The following TSPAN31 variants were observed in gnomAD, a reference collection of about 807,000 sequenced individuals.
TSPAN31 encodes the protein tetraspanin-31.
A neutral mutation model predicts 24.8 loss-of-function variants in TSPAN31; 16 were observed. That is an observed-to-expected ratio of 0.64 (90% CI 0.44 to 0.98). TSPAN31 has a LOEUF of 0.98. TSPAN31 is among the 50% of genes least tolerant of loss of function. The pLI, the probability that TSPAN31 is intolerant of heterozygous loss-of-function variation, is 0.00. For synonymous variants in TSPAN31, 87 were observed against 91.4 expected (o/e 0.95, Z 0.27); for missense variants, 209 against 251.6 (o/e 0.83, Z 1.15).
At chr12:57,746,944 G>A (rs751285450) in intron 4 of TSPAN31, 74 bp from the exon 5 acceptor site, 54 of 1,433,924 alleles carry the variant, frequency 3.8e-5, no homozygotes, top group Non-Finnish European at 5.2e-5. Context: ...AAGTTTCTAG[G>A]GACATTCGGC....
At chr12:57,745,975 T>C in intron 2 of TSPAN31, 63 bp downstream of exon 2, 1 of 1,546,068 alleles carries the variant, frequency 6.5e-7, no homozygotes, top group Admixed American at 2.0e-5. Flanking sequence ...CTAAGGAAGA[T>C]GTTAGAAGGG....
At chr12:57,745,547 C>A (rs914235145) in intron 1 of TSPAN31, 198 bp from the exon 2 acceptor site, 4 of 659,032 alleles carry the variant, frequency 6.1e-6, no homozygotes, top group Non-Finnish European at 7.7e-6. Flanking sequence ...CCCTGCCACC[C>A]CCTCCCCGCC....
At chr12:57,746,294 A>C in intron 3 of TSPAN31, 38 bp downstream of exon 3, 1 of 1,584,162 alleles carries the variant, frequency 6.3e-7, no homozygotes, top group Non-Finnish European at 8.7e-7. Flanking sequence ...CTTGCTTTTT[A>C]AAATTTTCCT....
rs763198055 is a variant in TSPAN31 at position 57,747,246 on chromosome 12, C to T, written c.589C>T (p.Arg197Trp). The change falls in exon 6 of 6, where the codon CGG (arginine) becomes TGG (tryptophan). Residue 197 changes from arginine (R) to tryptophan (W), a missense_variant. Coordinates refer to ENST00000257910, the MANE Select transcript of TSPAN31 (RefSeq NM_005981.5). ...ILGVWLAMRF[R>W]NQKDPRANPS... ...TGGTGTTTGGCTAGCAATGAGATTT[C>T]GGAATCAGAAGGATCCTAGAGCCAA... 21 of 1,614,030 alleles carry T rather than the reference C, an allele frequency of 1.3e-5. No individual in the cohort carries two copies. Among genetic ancestry groups the T allele is most frequent in the East Asian group, 2.2e-5 (1 of 44,892 alleles).
intron 4 of TSPAN31, 125 bp downstream of exon 4, chr12:57,746,845 G>A: frequency 6.8e-7 from 1 of 1,470,952 alleles, no homozygotes; most frequent in South Asian, 1.2e-5. Context: ...TTGTATTGGG[G>A]CTGTGTTGGT....
At position 57,748,708 on chromosome 12, in the gene TSPAN31, CT is replaced by C. The variant is rs545773931; in HGVS notation, c.*1433del. On this transcript the variant is annotated 3_prime_UTR_variant, in exon 6 of 6. Transcript: ENST00000257910. ...CCTGGGATGAGCTTTCTTCTTTTTT[CT>C]TTTTTTTTTTTTTTGAGACGGAGTC... 0.16 allele frequency: 95,460 copies of C among 587,104 alleles called. No individual in the cohort carries two copies. The highest frequency in any genetic ancestry group is 0.19 in the East Asian group (5,749 of 29,782). 36.4% of individuals were successfully genotyped at this position (587,104 alleles called of 1,614,324 possible). A position where few individuals can be genotyped will look rare whatever the true frequency, so the allele number is the denominator to read the frequency against.
chr12:57,746,488 T>C, intron 3 of TSPAN31, 101 bp from the exon 4 acceptor site: 1 of 1,426,724 alleles, frequency 7.0e-7, no homozygotes, highest in Non-Finnish European at 9.9e-7. Flanking sequence ...CACACCGTTA[T>C]GCTTCTGTTT....
rs886049708 is a variant in TSPAN31, at chr12:57,747,835, C to T, written c.*545C>T. On this transcript the variant is annotated 3_prime_UTR_variant, in exon 6 of 6. Transcript: ENST00000257910. The stretch of plus-strand genomic sequence containing the variant: ...TCGGCTCACCGCAACCTCTGCCTCC[C>T]GGGTTCAAGCGATCCTCCTGCCTCA... The T allele has an allele frequency of 1.2e-4, 20 of 170,844 alleles. No homozygotes were observed. The highest frequency in any genetic ancestry group is 2.3e-4 in the East Asian group (2 of 8,590). 10.6% of individuals were successfully genotyped at this position (170,844 alleles called of 1,614,324 possible).
At position 57,748,710 on chromosome 12, in the gene TSPAN31, T is replaced by TC. The variant is rs60882808; in HGVS notation, c.*1420_*1421insC. ...TGGGATGAGCTTTCTTCTTTTTTCTTTTTTTTTTTTTTTGAGACGGAGTCT... is the reference window on the plus strand; with the variant it reads ...TGGGATGAGCTTTCTTCTTTTTTCTTCTTTTTTTTTTTTTGAGACGGAGTCT... On this transcript the variant is annotated 3_prime_UTR_variant, in exon 6 of 6. Coordinates refer to ENST00000257910, the MANE Select transcript of TSPAN31 (RefSeq NM_005981.5). 48 of 569,594 alleles carry TC rather than the reference T, an allele frequency of 8.4e-5. No individual in the cohort carries two copies. Among genetic ancestry groups the TC allele is most frequent in the African/African-American group, 4.5e-4 (23 of 51,454 alleles). The allele number at this position is 569,594 out of a possible 1,614,324, so 35.3% of individuals were successfully genotyped here.
rs1056401055 is a variant in TSPAN31, at chr12:57,747,811, C to T, written c.*521C>T. On this transcript the variant is annotated 3_prime_UTR_variant, in exon 6 of 6. Coordinates refer to ENST00000257910, the MANE Select transcript of TSPAN31 (RefSeq NM_005981.5). ...AGGCTGGAGTGCAATGGCATGATCTCGGCTCACCGCAACCTCTGCCTCCCG... is the reference window on the plus strand; with the variant it reads ...AGGCTGGAGTGCAATGGCATGATCTTGGCTCACCGCAACCTCTGCCTCCCG... The T allele has an allele frequency of 3.0e-5, 5 of 167,530 alleles. No individual in the cohort carries two copies. The highest frequency in any genetic ancestry group is 1.3e-4 in the East Asian group (1 of 7,754). The allele number at this position is 167,530 out of a possible 1,614,324, so 10.4% of individuals were successfully genotyped here.
chr12:57,746,277 GTAC>G, intron 3 of TSPAN31, 21 bp downstream of exon 3: 1 of 1,605,482 alleles, frequency 6.2e-7, no homozygotes, highest in Non-Finnish European at 8.5e-7. Context: ...ACCCTTTCAA[GTAC>G]TTACTTGCTT....
Position 57,748,163 on chromosome 12 carries a change from T to C in TSPAN31, c.*873T>C, listed in dbSNP as rs1309932398. The C allele has an allele frequency of 5.7e-6, 2 of 351,040 alleles. No individual in the cohort carries two copies. The highest frequency in any genetic ancestry group is 2.1e-5 in the African/African-American group (1 of 48,192). The allele number at this position is 351,040 out of a possible 1,614,324, so 21.7% of individuals were successfully genotyped here. A position where few individuals can be genotyped will look rare whatever the true frequency, so the allele number is the denominator to read the frequency against. On this transcript the variant is annotated 3_prime_UTR_variant, in exon 6 of 6. Transcript: ENST00000257910. ...TTTAAGGTTTTGCAGGAAAGTCCCT[T>C]CTTCCAAGTGGTTTTTCCAAATCGC...
At chr12:57,745,250 C>T (rs577208050) in intron 1 of TSPAN31, 33 bp downstream of exon 1, 2 of 1,600,602 alleles carry the variant, frequency 1.2e-6, no homozygotes, top group African/African-American at 1.3e-5. Flanking sequence ...AGCTTCAAGG[C>T]GGAAAGGCCC....
At chr12:57,745,311 GTTCCGGGAAGATTCCCAGGAAC>G in intron 1 of TSPAN31, 94 bp downstream of exon 1, 1 of 1,375,478 alleles carries the variant, frequency 7.3e-7, no homozygotes, top group Non-Finnish European at 1.0e-6. Context: ...GTGTATGGGG[GTTCCGGGAAGATTCCCAGGAAC>G]TTCCGGCGAC....
At chr12:57,746,432 C>A (rs1955152257) in intron 3 of TSPAN31, 157 bp from the exon 4 acceptor site, 1 of 1,167,120 alleles carries the variant, frequency 8.6e-7, no homozygotes, top group African/African-American at 1.5e-5. Flanking sequence ...TGAGGATGAT[C>A]TAGAGAACCT....
chr12:57,748,679 A>C lies in TSPAN31; in HGVS notation c.*1389A>C, dbSNP rs777869960. The C allele has an allele frequency of 1.1e-5, 12 of 1,076,720 alleles. No individual in the cohort carries two copies. The Admixed American group carries it at 1.4e-4, about 12-fold the overall frequency. 66.7% of individuals were successfully genotyped at this position (1,076,720 alleles called of 1,614,324 possible). A position where few individuals can be genotyped will look rare whatever the true frequency, so the allele number is the denominator to read the frequency against. Reference sequence around the variant, plus strand: ...AAACAGACTTCTGCCCACCCACAACAATACCTGGGATGAGCTTTCTTCTTT... The same window carrying C: ...AAACAGACTTCTGCCCACCCACAACCATACCTGGGATGAGCTTTCTTCTTT... On this transcript the variant is annotated 3_prime_UTR_variant, in exon 6 of 6. Coordinates refer to ENST00000257910, the MANE Select transcript of TSPAN31 (RefSeq NM_005981.5).
Position 57,745,133 on chromosome 12 carries a change from T to G in TSPAN31, c.-22T>G. 1.3e-6 allele frequency: 2 copies of G among 1,589,842 alleles called. No homozygotes were observed. The highest frequency in any genetic ancestry group is 1.7e-6 in the Non-Finnish European group (2 of 1,166,834). ...CCTCCCCCCAAGTCCTTGGGACCAC[T>G]TGGGTCCCCAGAGCTGGGGAGATGG... is the stretch of plus-strand genomic sequence containing the variant. On this transcript the variant is annotated 5_prime_UTR_variant, in exon 1 of 6. Transcript: ENST00000257910.
rs551468259 is a variant in TSPAN31 at position 57,748,873 on chromosome 12, T to C, written c.*1583T>C. Reference sequence around the variant, plus strand: ...GGCGTGTGCCACCACCCCCGGCTTATTTTTGTACTTTTAGTAGAGACGAGG... The same window carrying C: ...GGCGTGTGCCACCACCCCCGGCTTACTTTTGTACTTTTAGTAGAGACGAGG... On this transcript the variant is annotated 3_prime_UTR_variant, in exon 6 of 6. Coordinates refer to ENST00000257910, the MANE Select transcript of TSPAN31 (RefSeq NM_005981.5). The C allele has an allele frequency of 2.0e-4, 109 of 542,436 alleles. No individual in the cohort carries two copies. The East Asian group carries it at 3.3e-3, about 17-fold the overall frequency. The allele number at this position is 542,436 out of a possible 1,614,324, so 33.6% of individuals were successfully genotyped here.
Position 57,745,078 on chromosome 12 carries a change from G to A in TSPAN31, c.-77G>A. The A allele has an allele frequency of 1.5e-6, 2 of 1,372,828 alleles. No homozygotes were observed. Among genetic ancestry groups the A allele is most frequent in the Non-Finnish European group, 2.0e-6 (2 of 984,282 alleles). 85.0% of individuals were successfully genotyped at this position (1,372,828 alleles called of 1,614,324 possible). A position where few individuals can be genotyped will look rare whatever the true frequency, so the allele number is the denominator to read the frequency against. ...GCCTCGATTTAAAGAGACAGAAGCT[G>A]TCGGGGTCCTGGAAGACGGTCCCCA... On this transcript the variant is annotated 5_prime_UTR_variant, in exon 1 of 6. Transcript: ENST00000257910.
Sources: allele counts gnomAD v4.1 joint callset, GRCh38; gene constraint gnomAD v4.1.1; transcripts MANE v1.5; gene names NCBI Gene and HGNC (gene_info 2026-07-23, HGNC 2026-07-21).